The following LRRTM3 variants were observed in gnomAD, a reference collection of about 807,000 sequenced individuals.
The protein encoded by LRRTM3 is leucine-rich repeat transmembrane neuronal protein 3.
LRRTM3 carries 24 observed loss-of-function variants against 44.7 expected under a neutral mutation model. That is an observed-to-expected ratio of 0.54 (90% confidence interval 0.39 to 0.76). LRRTM3 has a LOEUF of 0.76. LRRTM3 is among the 30% of genes least tolerant of loss of function. The pLI is 0.00. For missense variants in LRRTM3, 587 were observed against 702.2 expected (o/e 0.84, Z 1.85); for synonymous variants, 277 against 278.7 (o/e 0.99, Z 0.06).
At chr10:66,981,124 G>A (rs192950742) in intron 2 of LRRTM3, among the ~76,000 whole-genome samples, 22 of 152,108 alleles carry the variant, frequency 1.4e-4, no homozygotes, top group Admixed American at 9.2e-4. Flanking sequence ...GGCTGGTCTC[G>A]AACTCCTAAC....
chr10:67,035,530 T>C (rs1453650859), intron 2 of LRRTM3, among the ~76,000 whole-genome samples: 1 of 152,196 alleles, frequency 6.6e-6, no homozygotes. Flanking sequence ...TGTTTTTTAA[T>C]GTGAATCAGT....
intron 2 of LRRTM3, among the ~76,000 whole-genome samples, chr10:67,027,746 G>C (rs1156533785): frequency 6.6e-6 from 1 of 151,924 alleles, no homozygotes; most frequent in Non-Finnish European, 1.5e-5. Flanking sequence ...TCATATAATT[G>C]TCCATAGGTA....
chr10:66,936,633 G>A (rs1034633783), intron 2 of LRRTM3, among the ~76,000 whole-genome samples: 7 of 152,116 alleles, frequency 4.6e-5, no homozygotes, highest in African/African-American at 1.4e-4. Context: ...TCATCGGACA[G>A]ATGGACTAGA....
chr10:66,992,543 T>C (rs1851097637), intron 2 of LRRTM3, among the ~76,000 whole-genome samples: 1 of 152,116 alleles, frequency 6.6e-6, no homozygotes, highest in Non-Finnish European at 1.5e-5. Flanking sequence ...TTTACTTTTT[T>C]TTTAATGGCA....
At chr10:66,953,772 G>T (rs957998097) in intron 2 of LRRTM3, among the ~76,000 whole-genome samples, 2 of 151,296 alleles carry the variant, frequency 1.3e-5, no homozygotes, top group Non-Finnish European at 2.9e-5. Context: ...AATATTAGAT[G>T]ATATAAGTTT....
At chr10:66,952,076 T>C (rs1848565119) in intron 2 of LRRTM3, among the ~76,000 whole-genome samples, 1 of 152,156 alleles carries the variant, frequency 6.6e-6, no homozygotes, top group Non-Finnish European at 1.5e-5. Context: ...CAAGTCAATA[T>C]TTTCCAGCAT....
intron 1 of LRRTM3, 76 bp from the exon 2 acceptor site, chr10:66,926,845 A>G (rs1589434732): frequency 7.8e-7 from 1 of 1,275,944 alleles, no homozygotes; most frequent in African/African-American, 1.5e-5. Flanking sequence ...AATGAAAAAT[A>G]TATGCCTATT....
intron 2 of LRRTM3, among the ~76,000 whole-genome samples, chr10:67,090,237 T>C (rs1589724263): frequency 6.6e-6 from 1 of 152,102 alleles, no homozygotes; most frequent in East Asian, 1.9e-4. Flanking sequence ...TTGGTCAATA[T>C]GTGTGTAGTA....
chr10:67,060,717 C>A (rs1855709340), intron 2 of LRRTM3, among the ~76,000 whole-genome samples: 1 of 152,136 alleles, frequency 6.6e-6, no homozygotes, highest in Non-Finnish European at 1.5e-5. Context: ...GTCTAGGCAT[C>A]ATTCCAGATG....
intron 2 of LRRTM3, among the ~76,000 whole-genome samples, chr10:66,988,238 C>T (rs751301508): frequency 6.6e-6 from 1 of 152,108 alleles, no homozygotes; most frequent in Non-Finnish European, 1.5e-5. Flanking sequence ...CAAAATAATA[C>T]TACCTCACAG....
In LRRTM3 at chr10:66,926,395, C is replaced by T. The variant is rs1040812168; in HGVS notation, c.-189C>T. ...AATGCGGTGTTGGGATTTATTTGTT[C>T]TTGGAGTGTTCTGCGTGGCTGGCAA... On this transcript the variant is annotated 5_prime_UTR_variant, in exon 1 of 3. Coordinates refer to ENST00000361320, the MANE Select transcript of LRRTM3 (RefSeq NM_178011.5). The T allele has an allele frequency of 6.1e-6, 4 of 658,244 alleles. No individual in the cohort carries two copies. The highest frequency in any genetic ancestry group is 1.1e-5 in the Non-Finnish European group (4 of 364,512). 40.8% of individuals were successfully genotyped at this position (658,244 alleles called of 1,614,324 possible).
At chr10:67,029,420 G>A (rs1489033035) in intron 2 of LRRTM3, among the ~76,000 whole-genome samples, 4 of 152,164 alleles carry the variant, frequency 2.6e-5, no homozygotes, top group Non-Finnish European at 5.9e-5. Flanking sequence ...GGTTAAAGCA[G>A]TTGGCATTTG....
At chr10:66,968,783 A>C (rs1849569260) in intron 2 of LRRTM3, among the ~76,000 whole-genome samples, 1 of 152,018 alleles carries the variant, frequency 6.6e-6, no homozygotes, top group African/African-American at 2.4e-5. Flanking sequence ...TTGGGAGGCC[A>C]AGGTGGGCAG....
At chr10:66,989,524 C>T (rs531560381) in intron 2 of LRRTM3, among the ~76,000 whole-genome samples, 57 of 152,180 alleles carry the variant, frequency 3.7e-4, no homozygotes, top group African/African-American at 1.3e-3. Flanking sequence ...TATGTTTGGT[C>T]ATGTGGGATT....
chr10:67,034,457 T>G (rs774984542), intron 2 of LRRTM3, among the ~76,000 whole-genome samples: 6 of 152,224 alleles, frequency 3.9e-5, no homozygotes, highest in Non-Finnish European at 7.3e-5. Context: ...TCACATCTTC[T>G]AGTGTCCAGT....
chr10:67,024,936 GC>G (rs1853261898), intron 2 of LRRTM3, among the ~76,000 whole-genome samples: 1 of 151,984 alleles, frequency 6.6e-6, no homozygotes, highest in African/African-American at 2.4e-5. Flanking sequence ...TTTGAGACCA[GC>G]CTGACCAACA....
intron 2 of LRRTM3, among the ~76,000 whole-genome samples, chr10:67,073,642 C>CA (rs1589698845): frequency 1.3e-5 from 2 of 149,346 alleles, no homozygotes; most frequent in South Asian, 2.1e-4. Flanking sequence ...GAATCACACA[C>CA]AAAAAATAAT....
At chr10:67,016,187 T>C (rs970034290) in intron 2 of LRRTM3, among the ~76,000 whole-genome samples, 2 of 152,180 alleles carry the variant, frequency 1.3e-5, no homozygotes, top group South Asian at 4.1e-4. Context: ...GTTCCCTTTC[T>C]GATCGCTACT....
intron 2 of LRRTM3, among the ~76,000 whole-genome samples, chr10:67,062,366 A>G (rs188917392): frequency 3.9e-5 from 6 of 152,214 alleles, no homozygotes; most frequent in Admixed American, 2.0e-4. Context: ...TCAAAGCAAT[A>G]ATCTGCATAG....
Sources: allele counts gnomAD v4.1 joint callset (sites outside exome capture counted in the v4.1 genomes callset), GRCh38; gene constraint gnomAD v4.1.1; transcripts MANE v1.5; gene names NCBI Gene and HGNC (gene_info 2026-07-23, HGNC 2026-07-21).